The following SLC35F3 variants were observed in gnomAD, a reference collection of about 807,000 sequenced individuals.
SLC35F3 encodes the protein putative thiamine transporter SLC35F3.
In SLC35F3, 25 loss-of-function variants were observed where a neutral mutation model predicts 49.9. The observed-to-expected ratio is 0.50, with a 90% CI of 0.37 to 0.70. The LOEUF (loss-of-function observed/expected upper bound fraction) is 0.70. Among genes scored for constraint, SLC35F3 ranks in the 30% least tolerant of loss-of-function variants. SLC35F3 has a pLI of 0.00. For synonymous variants in SLC35F3, 275 were observed against 265.4 expected, an observed-to-expected ratio of 1.04 and a Z score of -0.35; for missense variants, 525 against 639.8, an observed-to-expected ratio of 0.82 and a Z score of 1.94.
chr1:233,918,460 T>C (rs1662005873), intron 2 of SLC35F3, among the ~76,000 whole-genome samples: 1 of 152,182 alleles, frequency 6.6e-6, no homozygotes, highest in Non-Finnish European at 1.5e-5. Context: ...AAAGACATTT[T>C]GGAGCCAGTT....
chr1:234,038,463 C>G (rs968502685), intron 2 of SLC35F3, among the ~76,000 whole-genome samples: 2 of 151,474 alleles, frequency 1.3e-5, no homozygotes, highest in Non-Finnish European at 2.9e-5. Context: ...ATTTATAGTC[C>G]TTTGGGTATA....
intron 2 of SLC35F3, among the ~76,000 whole-genome samples, chr1:233,911,607 T>G (rs539925373): frequency 6.6e-6 from 1 of 152,360 alleles, no homozygotes; most frequent in South Asian, 2.1e-4. Flanking sequence ...GCCATGGGGT[T>G]ATAAACCCTT....
At position 234,209,903 on chromosome 1, in the gene SLC35F3, T is replaced by C. The variant is rs1003355939; in HGVS notation, c.284-21514T>C. Among the ~76,000 whole-genome samples, 9 of 152,312 alleles carry C rather than the reference T, an allele frequency of 5.9e-5. No homozygotes were observed. In the East Asian group the frequency reaches 1.7e-3, roughly 29 times the overall value. ...TAACTATTTGACTCTGTACACAACA[T>C]TGCATTAAACAGAAAGTAGAATTTT... On this transcript the variant is annotated intron_variant, in intron 2 of 7. Coordinates refer to ENST00000366618, the MANE Select transcript of SLC35F3 (RefSeq NM_173508.4).
At chr1:233,910,131 C>A (rs1451055214) in intron 2 of SLC35F3, among the ~76,000 whole-genome samples, 1 of 152,230 alleles carries the variant, frequency 6.6e-6, no homozygotes, top group East Asian at 1.9e-4. Context: ...TGAACAGTTT[C>A]TTTTAATAAC....
intron 3 of SLC35F3, among the ~76,000 whole-genome samples, chr1:234,267,187 G>C (rs1024349157): frequency 3.1e-5 from 4 of 130,352 alleles, no homozygotes; most frequent in Non-Finnish European, 6.4e-5. Flanking sequence ...GAGAGCACAG[G>C]GTTGGGGATA....
rs1019869529 is a variant in SLC35F3, at chr1:234,201,909, T to C, written c.284-29508T>C. 1.2e-4 allele frequency among the ~76,000 whole-genome samples: 11 copies of C among 91,186 alleles called. No homozygotes were observed. In the Admixed American group the frequency reaches 1.5e-3, roughly 13 times the overall value. 59.8% of individuals were successfully genotyped at this position (91,186 alleles called of 152,430 possible). On this transcript the variant is annotated intron_variant, in intron 2 of 7. Transcript: ENST00000366618. ...GCCTGGGCTACAGAGCTAGACTTCT[T>C]CTCAAAAAAAAAAAAAAAAAAAGAA...
At chr1:233,919,845 G>A (rs1354362624) in intron 2 of SLC35F3, among the ~76,000 whole-genome samples, 1 of 152,164 alleles carries the variant, frequency 6.6e-6, no homozygotes, top group Non-Finnish European at 1.5e-5. Flanking sequence ...GGAAGTTGCT[G>A]TATCACTGCT....
chr1:234,051,026 T>A (rs1321813485), intron 2 of SLC35F3, among the ~76,000 whole-genome samples: 1 of 152,210 alleles, frequency 6.6e-6, no homozygotes, highest in South Asian at 2.1e-4. Context: ...TGCCATGTTG[T>A]TTTGGTTACT....
At chr1:234,045,264 A>G (rs1664272676) in intron 2 of SLC35F3, among the ~76,000 whole-genome samples, 1 of 152,192 alleles carries the variant, frequency 6.6e-6, no homozygotes, top group Admixed American at 6.5e-5. Context: ...TTTTATAATG[A>G]AGTTTTCACA....
At chr1:234,261,176 T>C (rs541647203) in intron 3 of SLC35F3, among the ~76,000 whole-genome samples, 1 of 152,158 alleles carries the variant, frequency 6.6e-6, no homozygotes. Flanking sequence ...AAAGGGTTCT[T>C]GGATCTCATG....
chr1:234,059,011 C>G (rs779041061), intron 2 of SLC35F3, among the ~76,000 whole-genome samples: 3 of 152,038 alleles, frequency 2.0e-5, no homozygotes, highest in Non-Finnish European at 4.4e-5. Flanking sequence ...GTAAAGTTGG[C>G]CTTAATTTCC....
chr1:234,286,507 C>T (rs1331863823), intron 3 of SLC35F3, among the ~76,000 whole-genome samples: 1 of 152,178 alleles, frequency 6.6e-6, no homozygotes, highest in African/African-American at 2.4e-5. Context: ...TGATGTAATC[C>T]AGTTATGTAA....
intron 1 of SLC35F3, 61 bp downstream of exon 1, chr1:233,905,191 T>TAGC: frequency 6.5e-7 from 1 of 1,529,052 alleles, no homozygotes; most frequent in Admixed American, 2.0e-5. Flanking sequence ...AGCGCCGGGG[T>TAGC]AGCCCTTTGC....
At chr1:234,008,230 G>C (rs1191130433) in intron 2 of SLC35F3, among the ~76,000 whole-genome samples, 1 of 152,182 alleles carries the variant, frequency 6.6e-6, no homozygotes, top group Non-Finnish European at 1.5e-5. Context: ...CACCAATGGA[G>C]GACACCATGA....
intron 2 of SLC35F3, among the ~76,000 whole-genome samples, chr1:233,941,475 G>A (rs1391343158): frequency 6.6e-6 from 1 of 152,160 alleles, no homozygotes; most frequent in Non-Finnish European, 1.5e-5. Context: ...CCTCCAGGAA[G>A]GCAGGGGTCA....
chr1:233,938,691 T>C (rs886757265), intron 2 of SLC35F3, among the ~76,000 whole-genome samples: 1 of 151,302 alleles, frequency 6.6e-6, no homozygotes, highest in Non-Finnish European at 1.5e-5. Context: ...GATGGATGGA[T>C]GGATGGATGA....
chr1:234,157,990 T>C (rs1666177978), intron 2 of SLC35F3, among the ~76,000 whole-genome samples: 1 of 152,204 alleles, frequency 6.6e-6, no homozygotes, highest in South Asian at 2.1e-4. Context: ...CTTAGCTTGT[T>C]TCACAGCCAT....
chr1:234,108,819 T>C (rs1665353623), intron 2 of SLC35F3, among the ~76,000 whole-genome samples: 1 of 138,926 alleles, frequency 7.2e-6, no homozygotes, highest in African/African-American at 2.7e-5. Flanking sequence ...ATAAAAGATA[T>C]ATATATATCT....
intron 3 of SLC35F3, among the ~76,000 whole-genome samples, chr1:234,232,035 G>A (rs955796912): frequency 3.3e-5 from 5 of 152,162 alleles, no homozygotes; most frequent in African/African-American, 1.2e-4. Flanking sequence ...AGAACGCTTA[G>A]AAATGGGAGA....
Sources: gnomAD v4.1 joint callset for allele counts (sites outside exome capture counted in the v4.1 genomes callset) on GRCh38, gnomAD v4.1.1 for gene constraint, MANE v1.5 for transcripts, NCBI Gene and HGNC (gene_info 2026-07-23, HGNC 2026-07-21) for gene names.